The following PPEF1 variants were observed in gnomAD, a reference collection of about 807,000 sequenced individuals.
PPEF1 encodes the protein serine/threonine-protein phosphatase with EF-hands 1.
PPEF1 carries 12 observed loss-of-function variants against 53.3 expected under a neutral mutation model. The ratio of observed to expected loss-of-function variants is 0.23; its 90% CI spans 0.14 to 0.36. The LOEUF (loss-of-function observed/expected upper bound fraction) is 0.36, where lower values mean the gene tolerates loss of function less well. PPEF1 is among the 10% of genes least tolerant of loss of function. The probability of loss-of-function intolerance (pLI) is 1.00; values close to 1 mark genes in which losing one functional copy is unlikely to be tolerated. For synonymous variants in PPEF1, 165 were observed against 176.7 expected (o/e 0.93, Z 0.52); for missense variants, 334 against 490.4 (o/e 0.68, Z 3.01).
intron 1 of PPEF1, among the ~76,000 whole-genome samples, chrX:18,728,156 CCTCTCTCTCTCTCTGT>C (rs1315019687): frequency 1.8e-5 from 2 of 108,515 alleles, no homozygotes; most frequent in African/African-American, 6.7e-5. Flanking sequence ...TGGATGAAAA[CCTCTCTCTCTCTCTGT>C]CTCTCTCTCT....
rs2047189462 is a variant in PPEF1 at position 18,827,424 on chromosome X, G to T, written c.1899G>T (p.Lys633Asn). ...GCATTGACTTTAATGAGTTTTTAAA[G>T]GCTTTCTATGTAGTGCATAGATATG... ...DGSIDFNEFL[K>N]AFYVVHRYED... is the part of the protein sequence containing the mutation. Residue 633 changes from lysine (K) to asparagine (N), a missense_variant, in exon 16 of 16, where the codon AAG becomes AAT. Coordinates refer to ENST00000470157, the MANE Select transcript of PPEF1 (RefSeq NM_001377996.1). The T allele has an allele frequency of 2.5e-6, 3 of 1,209,475 alleles. No homozygotes were observed. Among genetic ancestry groups the T allele is most frequent in the Non-Finnish European group, 3.4e-6 (3 of 894,808 alleles).
chrX:18,723,875 G>C (rs757698322), intron 1 of PPEF1, among the ~76,000 whole-genome samples: 7 of 110,161 alleles, frequency 6.4e-5, no homozygotes, highest in Non-Finnish European at 9.5e-5. Flanking sequence ...TGCCTCCCGG[G>C]TTCAAGTGAT....
intron 3 of PPEF1, among the ~76,000 whole-genome samples, chrX:18,740,845 G>C (rs945346166): frequency 9.1e-6 from 1 of 109,761 alleles, no homozygotes; most frequent in Non-Finnish European, 1.9e-5. Context: ...TGCAAATTAA[G>C]ATCTGCCTGT....
At chrX:18,736,846 G>A (rs1164404447) in intron 3 of PPEF1, among the ~76,000 whole-genome samples, 3 of 112,041 alleles carry the variant, frequency 2.7e-5, no homozygotes, top group African/African-American at 9.7e-5. Flanking sequence ...CTTCTTCCTG[G>A]TTTAGTCTTG....
chrX:18,783,426 C>A (rs1397413907), intron 8 of PPEF1, among the ~76,000 whole-genome samples: 1 of 110,861 alleles, frequency 9.0e-6, no homozygotes, highest in Non-Finnish European at 1.9e-5. Context: ...ATCAAAAATA[C>A]AGAATAAAGG....
upstream of PPEF1, among the ~76,000 whole-genome samples, chrX:18,704,822 T>G (rs569785201): frequency 1.9e-4 from 21 of 111,583 alleles, no homozygotes; most frequent in African/African-American, 6.8e-4. Context: ...GACTTGGGCA[T>G]CAGTATTTTT....
exon 2 of PPEF1, among the ~76,000 whole-genome samples, chrX:18,684,721 G>A (rs1420910427): frequency 9.1e-6 from 1 of 109,659 alleles, no homozygotes; most frequent in Non-Finnish European, 1.9e-5. Flanking sequence ...CCACCTCCCG[G>A]GTTCAAGCGA....
At chrX:18,722,661 C>T (rs2044613858) in intron 1 of PPEF1, among the ~76,000 whole-genome samples, 1 of 112,227 alleles carries the variant, frequency 8.9e-6, no homozygotes, top group Admixed American at 9.5e-5. Flanking sequence ...AGAGACTATT[C>T]CAGGCTCAGG....
chrX:18,768,091 C>T (rs1415909603), intron 6 of PPEF1, among the ~76,000 whole-genome samples: 2 of 111,980 alleles, frequency 1.8e-5, no homozygotes, highest in Non-Finnish European at 3.8e-5. Flanking sequence ...ATCAGTGTAA[C>T]CACAGGCTCC....
At chrX:18,819,997 G>A (rs1025881989) in intron 13 of PPEF1, among the ~76,000 whole-genome samples, 7 of 111,515 alleles carry the variant, frequency 6.3e-5, no homozygotes, top group Non-Finnish European at 1.3e-4. Context: ...AAGAGATAAC[G>A]ATTAGACTGA....
chrX:18,804,481 A>G (rs1170189764), intron 11 of PPEF1, among the ~76,000 whole-genome samples: 1 of 110,083 alleles, frequency 9.1e-6, no homozygotes, highest in Non-Finnish European at 1.9e-5. Context: ...TAATTTTTGT[A>G]TTTTTAGTAG....
intron 3 of PPEF1, among the ~76,000 whole-genome samples, chrX:18,735,112 G>A (rs1451260275): frequency 9.0e-6 from 1 of 111,413 alleles, no homozygotes; most frequent in Non-Finnish European, 1.9e-5. Context: ...TTTTTGCTGT[G>A]CGGAAGCTCT....
At chrX:18,712,725 A>G (rs1158448374) in intron 1 of PPEF1, among the ~76,000 whole-genome samples, 1 of 112,077 alleles carries the variant, frequency 8.9e-6, no homozygotes, top group South Asian at 3.7e-4. Context: ...TTTCACCAGT[A>G]AGTCTTATAT....
rs144689313 is a variant in PPEF1 at position 18,687,089 on chromosome X, G to C, written c.-426+858G>C. ...GCAGAATAGGGGGAAGGACAAAAGA[G>C]AAGAGGCTTATGCCAGCTGAGTCTT... On this transcript the variant is annotated intron_variant, in intron 3 of 21. Transcript: ENST00000361511. Among the ~76,000 whole-genome samples the C allele has an allele frequency of 5.5e-3, 611 of 111,496 alleles. 6 individuals are homozygous for C. The highest frequency in any genetic ancestry group is 0.019 in the African/African-American group (596 of 30,659).
chrX:18,809,378 C>T (rs2046756634), intron 12 of PPEF1, among the ~76,000 whole-genome samples: 1 of 110,166 alleles, frequency 9.1e-6, no homozygotes, highest in Admixed American at 9.9e-5. Context: ...GAAGTCTGTA[C>T]ATGTTAAGTA....
At chrX:18,789,886 A>G (rs1033670779) in intron 10 of PPEF1, among the ~76,000 whole-genome samples, 3 of 112,342 alleles carry the variant, frequency 2.7e-5, no homozygotes. Flanking sequence ...ACTATGAATA[A>G]TCCTTCTATG....
intron 13 of PPEF1, among the ~76,000 whole-genome samples, chrX:18,822,820 T>C (rs985120079): frequency 3.6e-5 from 4 of 111,630 alleles, no homozygotes; most frequent in African/African-American, 1.3e-4. Flanking sequence ...TCCTCCCAAA[T>C]TGAGCTATAG....
At chrX:18,680,270 G>A (rs772267401), upstream of PPEF1, among the ~76,000 whole-genome samples, 1 of 109,410 alleles carries the variant, frequency 9.1e-6, no homozygotes, top group South Asian at 3.9e-4. Context: ...TCACGCTGTT[G>A]CTTGTTCTCT....
intron 7 of PPEF1, among the ~76,000 whole-genome samples, chrX:18,781,387 T>G (rs1080903): frequency 0.49 from 53,211 of 108,933 alleles, 9,859 homozygotes; most frequent in Non-Finnish European, 0.54. Context: ...GCCTAGGATG[T>G]AATCTGAAGG....
Sources: allele counts gnomAD v4.1 joint callset (sites outside exome capture counted in the v4.1 genomes callset), GRCh38; gene constraint gnomAD v4.1.1; transcripts MANE v1.5; gene names NCBI Gene and HGNC (gene_info 2026-07-23, HGNC 2026-07-21).